Variants in NLGN4X observed in about 807,000 individuals in gnomAD.
NLGN4X encodes the protein neuroligin 4 X-linked, also known as neuroligin-4, X-linked.
Under a neutral mutation model 40.3 loss-of-function variants are expected in NLGN4X, and 3 were observed. The ratio of observed to expected loss-of-function variants is 0.07; its 90% CI spans 0.03 to 0.19. NLGN4X has a LOEUF of 0.19. Ranked by LOEUF, NLGN4X falls within the 10% of genes least tolerant of loss-of-function variation. The pLI is 1.00. For missense variants in NLGN4X, 382 were observed against 708.3 expected (o/e 0.54, Z 5.23); for synonymous variants, 270 against 306.8 (o/e 0.88, Z 1.25).
At chrX:6,014,702 T>C (rs1029822394) in intron 3 of NLGN4X, among the ~76,000 whole-genome samples, 1 of 112,063 alleles carries the variant, frequency 8.9e-6, no homozygotes, top group African/African-American at 3.2e-5. Context: ...TAAATTCTGA[T>C]CGAAATGCCT....
chrX:6,097,371 C>T (rs773285128), intron 2 of NLGN4X, among the ~76,000 whole-genome samples: 29 of 110,679 alleles, frequency 2.6e-4, no homozygotes, highest in African/African-American at 9.2e-4. Context: ...TCATTGGATA[C>T]TTTTTTGAAA....
intron 3 of NLGN4X, among the ~76,000 whole-genome samples, chrX:5,916,838 G>A (rs909341249): frequency 3.6e-5 from 4 of 112,038 alleles, no homozygotes; most frequent in Non-Finnish European, 7.5e-5. Flanking sequence ...GAATATTCAC[G>A]TTTTATTGCT....
intron 2 of NLGN4X, among the ~76,000 whole-genome samples, chrX:6,145,073 G>A (rs1023367200): frequency 9.0e-6 from 1 of 111,326 alleles, no homozygotes; most frequent in Non-Finnish European, 1.9e-5. Flanking sequence ...AAATATTTTG[G>A]ACAGTGAAGT....
At chrX:6,111,403 C>T (rs984820792) in intron 2 of NLGN4X, among the ~76,000 whole-genome samples, 7 of 111,093 alleles carry the variant, frequency 6.3e-5, no homozygotes, top group Non-Finnish European at 1.3e-4. Context: ...ACTGAATCTG[C>T]TAGCACCTTG....
intron 2 of NLGN4X, among the ~76,000 whole-genome samples, chrX:6,109,779 T>C (rs1342847241): frequency 8.9e-6 from 1 of 112,016 alleles, no homozygotes; most frequent in Non-Finnish European, 1.9e-5. Flanking sequence ...AAATGTAGAA[T>C]GTGCAAACCC....
At chrX:6,117,160 T>C (rs1168930889) in intron 2 of NLGN4X, among the ~76,000 whole-genome samples, 1 of 110,936 alleles carries the variant, frequency 9.0e-6, no homozygotes, top group Non-Finnish European at 1.9e-5. Flanking sequence ...ACTCTTTCTC[T>C]CTCCCTTGAC....
At chrX:6,141,122 A>T (rs1434368148) in intron 2 of NLGN4X, among the ~76,000 whole-genome samples, 1 of 111,487 alleles carries the variant, frequency 9.0e-6, no homozygotes, top group Non-Finnish European at 1.9e-5. Context: ...GTGGCTCTCA[A>T]ATCTGGAGCT....
intron 3 of NLGN4X, among the ~76,000 whole-genome samples, chrX:5,930,883 T>C (rs1265257761): frequency 1.8e-5 from 2 of 111,953 alleles, no homozygotes; most frequent in African/African-American, 6.5e-5. Flanking sequence ...AGCTCATCCT[T>C]CCCTGTTGCT....
intron 3 of NLGN4X, among the ~76,000 whole-genome samples, chrX:5,932,584 A>C (rs2033586747): frequency 8.9e-6 from 1 of 112,140 alleles, no homozygotes; most frequent in Non-Finnish European, 1.9e-5. Flanking sequence ...TAAGAAGTAA[A>C]AGAGAACTTG....
At chrX:6,058,617 A>G (rs2037693103) in intron 2 of NLGN4X, among the ~76,000 whole-genome samples, 1 of 111,951 alleles carries the variant, frequency 8.9e-6, no homozygotes, top group African/African-American at 3.2e-5. Context: ...AACAACTTAC[A>G]ATGTTATATT....
chrX:5,900,514 G>A (rs2031782689), intron 5 of NLGN4X, among the ~76,000 whole-genome samples: 1 of 106,112 alleles, frequency 9.4e-6, no homozygotes, highest in Non-Finnish European at 1.9e-5. Context: ...CTTAGAAAGC[G>A]TGAACCGATA....
At chrX:5,897,871 T>C (rs1032586579) in intron 5 of NLGN4X, among the ~76,000 whole-genome samples, 6 of 109,465 alleles carry the variant, frequency 5.5e-5, no homozygotes, top group Non-Finnish European at 5.7e-5. Flanking sequence ...AAGATCCAAT[T>C]GTCCCTCCCT....
At chrX:6,178,751 G>A (rs1248807474) in intron 1 of NLGN4X, among the ~76,000 whole-genome samples, 1 of 111,994 alleles carries the variant, frequency 8.9e-6, no homozygotes, top group African/African-American at 3.2e-5. Context: ...GATGTGCACA[G>A]TTGAACAAAG....
chrX:6,077,891 C>T (rs777789105), intron 2 of NLGN4X, among the ~76,000 whole-genome samples: 3 of 111,882 alleles, frequency 2.7e-5, no homozygotes, highest in Admixed American at 9.5e-5. Context: ...CCTTCTACTT[C>T]ATCCCCAGCC....
intron 3 of NLGN4X, among the ~76,000 whole-genome samples, chrX:5,980,073 T>C (rs2035337564): frequency 9.4e-6 from 1 of 106,818 alleles, no homozygotes; most frequent in African/African-American, 3.4e-5. Flanking sequence ...ATGTGTAGTA[T>C]ACTGTATGGT....
chrX:5,901,809 G>A (rs1169515651), intron 5 of NLGN4X, among the ~76,000 whole-genome samples: 5 of 104,495 alleles, frequency 4.8e-5, no homozygotes, highest in African/African-American at 1.7e-4. Flanking sequence ...TATATATATT[G>A]TATATATATA....
At chrX:6,022,045 G>T (rs1028070450) in intron 3 of NLGN4X, among the ~76,000 whole-genome samples, 1 of 111,705 alleles carries the variant, frequency 9.0e-6, no homozygotes, top group Admixed American at 9.5e-5. Context: ...CTTCTTTTAC[G>T]TCTCTACTTT....
intron 2 of NLGN4X, among the ~76,000 whole-genome samples, chrX:6,050,576 A>G (rs1204012156): frequency 9.6e-6 from 1 of 103,711 alleles, no homozygotes; most frequent in Non-Finnish European, 2.0e-5. Flanking sequence ...CTATGTATCT[A>G]TCTGCCTTTC....
At chrX:6,157,167 CACCA>C (rs2147725104) in intron 1 of NLGN4X, among the ~76,000 whole-genome samples, 1 of 110,636 alleles carries the variant, frequency 9.0e-6, no homozygotes, top group East Asian at 2.9e-4. Flanking sequence ...GATGATCTTG[CACCA>C]TATGGCAGCT....
Sources: gnomAD v4.1 joint callset for allele counts (sites outside exome capture counted in the v4.1 genomes callset) on GRCh38, gnomAD v4.1.1 for gene constraint, MANE v1.5 for transcripts, NCBI Gene and HGNC (gene_info 2026-07-23, HGNC 2026-07-21) for gene names.